MALRD1: variants seen among roughly 807,000 people sequenced by gnomAD.
MALRD1 encodes MAM and LDL-receptor class A domain-containing protein 1.
MALRD1 carries 247 observed loss-of-function variants against 242.1 expected under a neutral mutation model. The observed-to-expected ratio is 1.02, with a 90% CI of 0.92 to 1.13. The LOEUF is 1.13. MALRD1 is among the 50% of genes most tolerant of loss of function. The pLI, the probability that MALRD1 is intolerant of heterozygous loss-of-function variation, is 0.00. For synonymous variants in MALRD1, 995 were observed against 866.6 expected, an observed-to-expected ratio of 1.15 and a Z score of -2.60; for missense variants, 2,989 against 2,533.1, an observed-to-expected ratio of 1.18 and a Z score of -3.86.
At chr10:19,373,285 G>A (rs748101710) in intron 26 of MALRD1, among the ~76,000 whole-genome samples, 40 of 107,222 alleles carry the variant, frequency 3.7e-4, no homozygotes, top group Non-Finnish European at 6.5e-4. Flanking sequence ...GACGGATCAC[G>A]AGGTCAGGAG....
intron 34 of MALRD1, among the ~76,000 whole-genome samples, chr10:19,602,041 C>T (rs1335272804): frequency 1.3e-5 from 2 of 151,610 alleles, no homozygotes; most frequent in Non-Finnish European, 2.9e-5. Context: ...ATAAATAAAA[C>T]AGGCATACCT....
intron 28 of MALRD1, among the ~76,000 whole-genome samples, chr10:19,423,258 G>C (rs1035788752): frequency 3.6e-4 from 55 of 151,994 alleles, no homozygotes; most frequent in African/African-American, 1.3e-3. Context: ...ATGCAATCCT[G>C]TTTGCTCAGT....
At chr10:19,366,366 A>T (rs530822639) in intron 26 of MALRD1, among the ~76,000 whole-genome samples, 2 of 151,998 alleles carry the variant, frequency 1.3e-5, no homozygotes, top group African/African-American at 2.4e-5. Context: ...GCTGCTGATG[A>T]TCTGACAGGA....
At chr10:19,712,668 TA>T (rs1316545306) in intron 38 of MALRD1, among the ~76,000 whole-genome samples, 15 of 152,142 alleles carry the variant, frequency 9.9e-5, no homozygotes, top group Non-Finnish European at 1.8e-4. Context: ...AAGAACCCAA[TA>T]AAAAATTATG....
chr10:19,583,611 C>G (rs1263265139), intron 33 of MALRD1, among the ~76,000 whole-genome samples: 1 of 152,120 alleles, frequency 6.6e-6, no homozygotes, highest in African/African-American at 2.4e-5. Flanking sequence ...CGATGTGCTG[C>G]TGGATTCGGT....
intron 19 of MALRD1, among the ~76,000 whole-genome samples, chr10:19,270,050 C>T (rs1446601811): frequency 1.3e-5 from 2 of 152,116 alleles, no homozygotes; most frequent in Admixed American, 1.3e-4. Context: ...TGTGGTGGCT[C>T]ATGCCTGTAA....
At chr10:19,456,006 G>A (rs1835629288) in intron 29 of MALRD1, among the ~76,000 whole-genome samples, 1 of 152,152 alleles carries the variant, frequency 6.6e-6, no homozygotes, top group Non-Finnish European at 1.5e-5. Context: ...CAGGACCTCA[G>A]GGTAGAATCC....
intron 36 of MALRD1, among the ~76,000 whole-genome samples, chr10:19,673,046 T>G (rs1292799997): frequency 6.6e-6 from 1 of 152,152 alleles, no homozygotes; most frequent in Non-Finnish European, 1.5e-5. Context: ...TTCTGCTATA[T>G]TTTTACTTCT....
chr10:19,616,943 T>C (rs943360342), intron 36 of MALRD1, among the ~76,000 whole-genome samples: 4 of 151,966 alleles, frequency 2.6e-5, no homozygotes, highest in African/African-American at 9.7e-5. Flanking sequence ...CCCATATCAG[T>C]TTCCGTGGAA....
rs1564297265 is a variant in MALRD1 at position 19,389,444 on chromosome 10, G to GA, written c.4688-8_4688-7insA. On this transcript the variant is annotated splice_polypyrimidine_tract_variant and splice_region_variant and intron_variant, in intron 27 of 39. Transcript: ENST00000454679. ...TCGTTCTTCTCTGAATTCTGTCCTT[G>GA]TTCCTAGGGCACTTCATGTATCTGG... The GA allele has an allele frequency of 6.5e-7, 1 of 1,549,620 alleles. No individual in the cohort carries two copies.
chr10:19,573,514 G>T (rs1476480730), intron 33 of MALRD1, among the ~76,000 whole-genome samples: 1 of 152,194 alleles, frequency 6.6e-6, no homozygotes, highest in East Asian at 1.9e-4. Context: ...GCAGGGATTC[G>T]CCGCCTCCCT....
intron 13 of MALRD1, among the ~76,000 whole-genome samples, chr10:19,174,492 A>T (rs1376602577): frequency 2.0e-5 from 3 of 152,148 alleles, no homozygotes; most frequent in South Asian, 4.1e-4. Context: ...GTGGTCCACT[A>T]TGCAGGTTCA....
At chr10:19,413,465 T>C (rs1833364296) in intron 28 of MALRD1, among the ~76,000 whole-genome samples, 1 of 152,158 alleles carries the variant, frequency 6.6e-6, no homozygotes, top group African/African-American at 2.4e-5. Flanking sequence ...TTTGAGAGAT[T>C]TCCTTTATTT....
At chr10:19,195,927 A>G (rs1210105550) in intron 14 of MALRD1, among the ~76,000 whole-genome samples, 3 of 152,078 alleles carry the variant, frequency 2.0e-5, no homozygotes. Flanking sequence ...CTTCTTTGAC[A>G]TCTGTCTTCC....
At position 19,424,608 on chromosome 10, in the gene MALRD1, T is replaced by C. The variant is rs577725004; in HGVS notation, c.4846-25699T>C. 2.6e-5 allele frequency among the ~76,000 whole-genome samples: 4 copies of C among 152,352 alleles called. No homozygotes were observed. In the East Asian group the frequency reaches 7.7e-4, roughly 29 times the overall value. On this transcript the variant is annotated intron_variant, in intron 28 of 39. Transcript: ENST00000454679. ...TTTCAAAAATCAGAACTAAAGTAAT[T>C]TTCAGTGTTACAATTAAAATATTAC...
At chr10:19,294,405 T>A (rs1841595645) in intron 21 of MALRD1, among the ~76,000 whole-genome samples, 1 of 152,206 alleles carries the variant, frequency 6.6e-6, no homozygotes, top group South Asian at 2.1e-4. Context: ...CAGTATGCTC[T>A]TGTGACATAG....
At chr10:19,150,400 ACTGT>A (rs143470324) in intron 11 of MALRD1, among the ~76,000 whole-genome samples, 6,025 of 151,768 alleles carry the variant, frequency 0.04, 366 homozygotes, top group African/African-American at 0.14. Flanking sequence ...TTTAGGGGGG[ACTGT>A]CTGCAGATTT....
intron 36 of MALRD1, among the ~76,000 whole-genome samples, chr10:19,685,944 G>T (rs1340754003): frequency 1.3e-5 from 2 of 152,112 alleles, no homozygotes; most frequent in African/African-American, 4.8e-5. Context: ...AAAATGGCAT[G>T]GCCCTAGGAA....
chr10:19,493,718 G>A (rs2131227370), intron 30 of MALRD1, among the ~76,000 whole-genome samples: 1 of 152,100 alleles, frequency 6.6e-6, no homozygotes, highest in East Asian at 1.9e-4. Context: ...GGAGGCTGAG[G>A]CAGAGAATTG....
Sources: gnomAD v4.1 joint callset for allele counts (sites outside exome capture counted in the v4.1 genomes callset) on GRCh38, gnomAD v4.1.1 for gene constraint, MANE v1.5 for transcripts, NCBI Gene and HGNC (gene_info 2026-07-23, HGNC 2026-07-21) for gene names.